The following AFDN variants were observed in gnomAD, a reference collection of about 807,000 sequenced individuals.
The protein encoded by AFDN is afadin.
A neutral mutation model predicts 216.6 loss-of-function variants in AFDN; 68 were observed. The observed-to-expected ratio is 0.31, with a 90% CI of 0.26 to 0.38. AFDN has a LOEUF of 0.38. Among genes scored for constraint, AFDN ranks in the 10% least tolerant of loss-of-function variants. AFDN has a pLI of 1.00. For synonymous variants in AFDN, 868 were observed against 853.7 expected, an observed-to-expected ratio of 1.02 and a Z score of -0.29; for missense variants, 2,136 against 2,342.0, an observed-to-expected ratio of 0.91 and a Z score of 1.82.
intron 2 of AFDN, among the ~76,000 whole-genome samples, chr6:167,866,076 A>G (rs959793263): frequency 6.6e-6 from 1 of 152,146 alleles, no homozygotes; most frequent in African/African-American, 2.4e-5. Flanking sequence ...AATTTTTGTA[A>G]ATAGGTTACA....
At chr6:167,855,568 T>TC (rs563211068) in intron 1 of AFDN, among the ~76,000 whole-genome samples, 18 of 152,028 alleles carry the variant, frequency 1.2e-4, no homozygotes, top group African/African-American at 4.3e-4. Flanking sequence ...AAATGAGGAT[T>TC]CCCCCCTTAG....
chr6:167,891,403 GGGTGGGTGTGTGT>G (rs975222584), intron 8 of AFDN, among the ~76,000 whole-genome samples: 1 of 85,348 alleles, frequency 1.2e-5, no homozygotes, highest in African/African-American at 5.6e-5. Context: ...TTTCATAAAG[GGGTGGGTGTGTGT>G]GTGTGTGTGT....
intron 30 of AFDN, among the ~76,000 whole-genome samples, chr6:167,960,146 G>T (rs1181100990): frequency 6.6e-6 from 1 of 152,166 alleles, no homozygotes; most frequent in Non-Finnish European, 1.5e-5. Flanking sequence ...CTTTGTGAAT[G>T]GTGGGAGTAA....
At chr6:167,917,515 G>A (rs570631786) in intron 20 of AFDN, among the ~76,000 whole-genome samples, 4 of 152,310 alleles carry the variant, frequency 2.6e-5, no homozygotes, top group East Asian at 3.9e-4. Flanking sequence ...TCCAGTGTAC[G>A]TAGCCACAAC....
intron 23 of AFDN, among the ~76,000 whole-genome samples, chr6:167,927,256 T>C (rs1792672884): frequency 6.6e-6 from 1 of 151,898 alleles, no homozygotes; most frequent in South Asian, 2.1e-4. Flanking sequence ...ACAGACATAA[T>C]TGGGATAAAG....
At chr6:167,917,719 T>A (rs897368643) in intron 20 of AFDN, among the ~76,000 whole-genome samples, 16 of 152,228 alleles carry the variant, frequency 1.1e-4, no homozygotes, top group Admixed American at 3.9e-4. Context: ...TAGACTTAAA[T>A]ATGAGTCATG....
Position 167,962,581 on chromosome 6 carries a change from A to G in AFDN, c.4968+14A>G. ...GCTGAAGAAAAGGTTATGGTCCTTT[A>G]AGGGCAGCTAGAATTTTACCAAGTT... On this transcript the variant is annotated intron_variant, in intron 31 of 33. Coordinates refer to ENST00000683244, the MANE Select transcript of AFDN (RefSeq NM_001386888.1). The surrounding 1 kb of genome is among the most constrained non-coding windows in gnomAD (Gnocchi z 5.2). 6.2e-7 allele frequency: 1 copy of G among 1,613,946 alleles called. No individual in the cohort carries two copies. The highest frequency in any genetic ancestry group is 8.5e-7 in the Non-Finnish European group (1 of 1,179,826).
intron 1 of AFDN, among the ~76,000 whole-genome samples, chr6:167,830,413 T>A (rs1466375981): frequency 6.6e-6 from 1 of 152,242 alleles, no homozygotes; most frequent in Non-Finnish European, 1.5e-5. Context: ...GTGGAAAGAA[T>A]GTTGAATATG....
chr6:167,871,640 A>G (rs1437451746), intron 3 of AFDN, among the ~76,000 whole-genome samples: 1 of 152,232 alleles, frequency 6.6e-6, no homozygotes, highest in Admixed American at 6.5e-5. Context: ...TTAAAATACA[A>G]ATTAAGAAGA....
intron 1 of AFDN, 104 bp from the exon 2 acceptor site, chr6:167,864,447 G>A (rs1783947804): frequency 2.8e-6 from 3 of 1,080,870 alleles, no homozygotes; most frequent in East Asian, 2.4e-5. Context: ...TTATGATGAA[G>A]CATTTTTTAA....
chr6:167,964,173 T>C, intron 31 of AFDN: 1 of 1,063,710 alleles, frequency 9.4e-7, no homozygotes, highest in Non-Finnish European at 1.1e-6. Context: ...TATAATTAAG[T>C]GGTCACTGTA....
chr6:167,861,694 T>C (rs939990110), intron 1 of AFDN, among the ~76,000 whole-genome samples: 1 of 152,232 alleles, frequency 6.6e-6, no homozygotes, highest in African/African-American at 2.4e-5. Flanking sequence ...GTGTTGCTGA[T>C]GTTAATGGGC....
intron 20 of AFDN, among the ~76,000 whole-genome samples, chr6:167,917,508 A>T (rs903681806): frequency 6.6e-6 from 1 of 152,210 alleles, no homozygotes; most frequent in African/African-American, 2.4e-5. Flanking sequence ...GTTGGGTTCC[A>T]GTGTACGTAG....
chr6:167,931,761 C>T (rs1457883469), intron 23 of AFDN, among the ~76,000 whole-genome samples: 2 of 152,094 alleles, frequency 1.3e-5, no homozygotes. Context: ...ATTCTGAGTG[C>T]AGGGTAGGGC....
At chr6:167,885,873 A>G (rs1052755261) in intron 6 of AFDN, among the ~76,000 whole-genome samples, 2 of 152,274 alleles carry the variant, frequency 1.3e-5, no homozygotes, top group Non-Finnish European at 2.9e-5. Flanking sequence ...AGCAGTCATC[A>G]TAAACAAAAC....
chr6:167,931,809 G>T (rs759849909), intron 23 of AFDN, among the ~76,000 whole-genome samples: 1 of 152,142 alleles, frequency 6.6e-6, no homozygotes, highest in Non-Finnish European at 1.5e-5. Context: ...CCTGCCCTGC[G>T]TCTTACTGAG....
chr6:167,965,803 G>T lies in AFDN; in HGVS notation c.5015G>T (p.Arg1672Leu). 2 of 1,569,360 alleles carry T rather than the reference G, an allele frequency of 1.3e-6. No individual in the cohort carries two copies. Among genetic ancestry groups the T allele is most frequent in the South Asian group, 1.2e-5 (1 of 84,076 alleles). ...GYYSRLEAER[R>L]RQHDEAARRL... ...TACAGCCGCCTGGAAGCCGAGAGGCGCAGACAGCACGACGAGGCGGCGCGC... is the reference window on the plus strand; with the variant it reads ...TACAGCCGCCTGGAAGCCGAGAGGCTCAGACAGCACGACGAGGCGGCGCGC... Residue 1672 changes from arginine (R) to leucine (L), a missense_variant, in exon 32 of 34, where the codon CGC (arginine) becomes CTC (leucine). Coordinates refer to ENST00000683244, the MANE Select transcript of AFDN (RefSeq NM_001386888.1).
At chr6:167,856,062 G>C (rs1202242587) in intron 1 of AFDN, among the ~76,000 whole-genome samples, 1 of 152,160 alleles carries the variant, frequency 6.6e-6, no homozygotes, top group Non-Finnish European at 1.5e-5. Context: ...CACCCGGGAT[G>C]TGAATCATCC....
intron 21 of AFDN, 38 bp from the exon 22 acceptor site, chr6:167,922,818 G>A: frequency 7.4e-7 from 1 of 1,359,580 alleles, no homozygotes; most frequent in South Asian, 1.2e-5. Flanking sequence ...TTGACAAGAT[G>A]TGCTTTTTCA....
Sources: gnomAD v4.1 joint callset for allele counts (sites outside exome capture counted in the v4.1 genomes callset) on GRCh38, gnomAD v4.1.1 for gene constraint, Gnocchi (gnomAD v3.1) non-coding constraint, MANE v1.5 for transcripts, NCBI Gene and HGNC (gene_info 2026-07-23, HGNC 2026-07-21) for gene names.